WDR5: variants seen among roughly 807,000 people sequenced by gnomAD.
WDR5 encodes WD repeat-containing protein 5.
For missense variants in WDR5, 187 were observed against 416.9 expected (o/e 0.45, Z 4.80); for synonymous variants, 144 against 161.6 (o/e 0.89, Z 0.83).
chr9:134,143,041 A>G (rs994393195), intron 7 of WDR5, among the ~76,000 whole-genome samples: 1 of 151,184 alleles, frequency 6.6e-6, no homozygotes, highest in Non-Finnish European at 1.5e-5. Context: ...GATGCACGGG[A>G]CAGGAAGGGC....
chr9:134,141,896 C>T (rs1350630998), intron 4 of WDR5, 53 bp from the exon 5 acceptor site: 13 of 1,547,472 alleles, frequency 8.4e-6, no homozygotes, highest in South Asian at 7.8e-5. Context: ...GACCTTTTGC[C>T]GATGGTCCTA....
chr9:134,155,585 T>C, intron 11 of WDR5, 108 bp from the exon 12 acceptor site: 1 of 1,337,292 alleles, frequency 7.5e-7, no homozygotes, highest in Non-Finnish European at 1.0e-6. Flanking sequence ...ACTTGTACTT[T>C]TCAGAAATAA....
intron 8 of WDR5, among the ~76,000 whole-genome samples, chr9:134,150,974 A>C (rs28434714): frequency 0.077 from 11,705 of 152,278 alleles, 927 homozygotes; most frequent in African/African-American, 0.2. Flanking sequence ...GAGCAGGACC[A>C]ATGCAGGAAA....
intron 3 of WDR5, 41 bp downstream of exon 3, chr9:134,140,852 C>A: frequency 6.3e-7 from 1 of 1,583,044 alleles, no homozygotes; most frequent in African/African-American, 1.3e-5. Flanking sequence ...GAGAGGCGGT[C>A]TGAGCTGCAG....
At chr9:134,136,334 C>G (rs1266536337) in intron 1 of WDR5, 134 bp downstream of exon 1, 1 of 150,398 alleles carries the variant, frequency 6.6e-6, no homozygotes, top group African/African-American at 2.4e-5. Context: ...GGGCGCTGCT[C>G]CCGCTGCAGC....
At chr9:134,139,739 C>T in intron 1 of WDR5, 81 bp from the exon 2 acceptor site, 1 of 909,332 alleles carries the variant, frequency 1.1e-6, no homozygotes, top group South Asian at 1.7e-5. Context: ...AAATGTTTTT[C>T]TTTTCATCCT....
chr9:134,136,324 G>C (rs1202790023), intron 1 of WDR5, 124 bp downstream of exon 1: 2 of 149,996 alleles, frequency 1.3e-5, no homozygotes, highest in African/African-American at 2.4e-5. Context: ...GCCCAGCCCC[G>C]GGCGCTGCTC....
intron 1 of WDR5, among the ~76,000 whole-genome samples, chr9:134,137,667 C>CAAAA (rs139470012): frequency 0.01 from 940 of 93,272 alleles, 14 homozygotes; most frequent in African/African-American, 0.015. Flanking sequence ...GACTGTGTCT[C>CAAAA]AAAAAAAAAA....
intron 2 of WDR5, 27 bp downstream of exon 2, chr9:134,139,985 C>A: frequency 6.2e-7 from 1 of 1,612,578 alleles, no homozygotes; most frequent in Non-Finnish European, 8.5e-7. Context: ...CCCTTGGACA[C>A]CTTCCGGGGG....
chr9:134,143,395 G>A (rs1306985876), intron 7 of WDR5, among the ~76,000 whole-genome samples: 8 of 152,190 alleles, frequency 5.3e-5, no homozygotes, highest in Non-Finnish European at 8.8e-5. Flanking sequence ...ACAAAAATCA[G>A]CTGGACGTGG....
chr9:134,143,265 G>C (rs975320290), intron 7 of WDR5, among the ~76,000 whole-genome samples: 1 of 152,228 alleles, frequency 6.6e-6, no homozygotes, highest in Non-Finnish European at 1.5e-5. Flanking sequence ...GAGAGGCCGG[G>C]CGTGGCGGCT....
At chr9:134,144,094 G>A (rs551106250) in intron 7 of WDR5, among the ~76,000 whole-genome samples, 9 of 152,372 alleles carry the variant, frequency 5.9e-5, no homozygotes, top group East Asian at 5.8e-4. Flanking sequence ...GGCTTTGCCC[G>A]AGTGAGATGG....
At chr9:134,150,883 C>T (rs1284650143) in intron 8 of WDR5, among the ~76,000 whole-genome samples, 1 of 152,062 alleles carries the variant, frequency 6.6e-6, no homozygotes, top group Non-Finnish European at 1.5e-5. Context: ...CTAGGAATTG[C>T]CAGTTAGAAG....
chr9:134,148,222 A>G (rs530125214), intron 7 of WDR5, 66 bp from the exon 8 acceptor site: 3 of 772,438 alleles, frequency 3.9e-6, no homozygotes, highest in Admixed American at 4.6e-5. Context: ...GAGATCAGGT[A>G]AGAAGCAGTT....
In WDR5 at chr9:134,158,376, ACCGCCACCGTGGCC is replaced by A. The variant is rs780718432; in HGVS notation, c.*390_*403del. 1 of 161,158 alleles carries A rather than the reference ACCGCCACCGTGGCC, an allele frequency of 6.2e-6. No homozygotes were observed. Among genetic ancestry groups the A allele is most frequent in the Non-Finnish European group, 1.4e-5 (1 of 73,812 alleles). 10.0% of individuals were successfully genotyped at this position (161,158 alleles called of 1,614,324 possible). On this transcript the variant is annotated 3_prime_UTR_variant, in exon 14 of 14. Transcript: ENST00000358625. ...GACCCAGTGCACGCTGTGGCCTGTCACCGCCACCGTGGCCCCGCCAGCTGGCCTCCCCTTTGGCC... is the reference window on the plus strand; with the variant it reads ...GACCCAGTGCACGCTGTGGCCTGTCACCGCCAGCTGGCCTCCCCTTTGGCC...
chr9:134,151,871 A>T, intron 8 of WDR5, 112 bp from the exon 9 acceptor site: 2 of 1,089,082 alleles, frequency 1.8e-6, no homozygotes, highest in Non-Finnish European at 2.7e-6. Flanking sequence ...CATAACTTTT[A>T]AAAAAAGATA....
At chr9:134,137,694 A>AAAC (rs1564186406) in intron 1 of WDR5, among the ~76,000 whole-genome samples, 2 of 150,872 alleles carry the variant, frequency 1.3e-5, no homozygotes, top group Non-Finnish European at 3.0e-5. Context: ...CAAAAAAAAA[A>AAAC]CACGCCAAGC....
intron 11 of WDR5, 37 bp downstream of exon 11, chr9:134,155,410 A>G (rs1280548474): frequency 6.3e-7 from 1 of 1,577,994 alleles, no homozygotes; most frequent in Admixed American, 1.9e-5. Flanking sequence ...ATGGTGCACC[A>G]TCCCTGGGTC....
intron 1 of WDR5, among the ~76,000 whole-genome samples, chr9:134,136,419 C>T (rs1272820647): frequency 6.6e-6 from 1 of 151,726 alleles, no homozygotes; most frequent in African/African-American, 2.4e-5. Flanking sequence ...CGGTCCGCCC[C>T]CACTCGCGCC....
Sources: allele counts gnomAD v4.1 joint callset (sites outside exome capture counted in the v4.1 genomes callset), GRCh38; gene constraint gnomAD v4.1.1; transcripts MANE v1.5; gene names NCBI Gene and HGNC (gene_info 2026-07-23, HGNC 2026-07-21).